ZFYVE16: variants seen among roughly 807,000 people sequenced by gnomAD.
ZFYVE16 encodes the protein zinc finger FYVE domain-containing protein 16.
A neutral mutation model predicts 138.1 loss-of-function variants in ZFYVE16; 89 were observed. The observed-to-expected ratio is 0.64, with a 90% CI of 0.54 to 0.77. The LOEUF (loss-of-function observed/expected upper bound fraction) is 0.77, where lower values mean the gene tolerates loss of function less well. ZFYVE16 is among the 30% of genes least tolerant of loss of function. The pLI, the probability that ZFYVE16 is intolerant of heterozygous loss-of-function variation, is 0.00. For missense variants in ZFYVE16, 1,793 were observed against 1,786.7 expected (o/e 1.00, Z -0.06); for synonymous variants, 596 against 618.3 (o/e 0.96, Z 0.53).
At position 80,478,528 on chromosome 5, in the gene ZFYVE16, C is replaced by T. The variant is rs1405639657; in HGVS notation, c.*1151C>T. ...AAAAAGTGGGGGGCATATTGTAGTC[C>T]TGTCATTTAAGTTATGTAAAAAATT... On this transcript the variant is annotated 3_prime_UTR_variant, in exon 19 of 19. Transcript: ENST00000505560. The T allele has an allele frequency of 6.6e-6, 1 of 151,888 alleles. No homozygotes were observed. Among genetic ancestry groups the T allele is most frequent in the Non-Finnish European group, 1.5e-5 (1 of 67,938 alleles). 9.4% of individuals were successfully genotyped at this position (151,888 alleles called of 1,614,324 possible). A position where few individuals can be genotyped will look rare whatever the true frequency, so the allele number is the denominator to read the frequency against.
chr5:80,443,408 G>GA lies in ZFYVE16; in HGVS notation c.2581+126dup, dbSNP rs1378671253. The GA allele has an allele frequency of 1.2e-5, 14 of 1,175,030 alleles. No individual in the cohort carries two copies. The Admixed American group carries it at 1.7e-4, about 15-fold the overall frequency. 72.8% of individuals were successfully genotyped at this position (1,175,030 alleles called of 1,614,324 possible). A position where few individuals can be genotyped will look rare whatever the true frequency, so the allele number is the denominator to read the frequency against. ...GGTATCAAGAGAGATTTAATACAGGGAATTGGTTACACATGCAGGCTGGAA... is the reference window on the plus strand; with the variant it reads ...GGTATCAAGAGAGATTTAATACAGGGAAATTGGTTACACATGCAGGCTGGAA... On this transcript the variant is annotated intron_variant, in intron 6 of 18. Transcript: ENST00000505560.
chr5:80,479,371 T>C lies in ZFYVE16; in HGVS notation c.*1994T>C, dbSNP rs1174486228. 6.6e-6 allele frequency: 1 copy of C among 152,220 alleles called. No individual in the cohort carries two copies. Among genetic ancestry groups the C allele is most frequent in the African/African-American group, 2.4e-5 (1 of 41,472 alleles). The allele number at this position is 152,220 out of a possible 1,614,324, so 9.4% of individuals were successfully genotyped here. A position where few individuals can be genotyped will look rare whatever the true frequency, so the allele number is the denominator to read the frequency against. The stretch of plus-strand genomic sequence containing the variant: ...TTTTATGCAGCTATTCAACAAACTT[T>C]GTGTGTTCGTATACTTGCTACATGC... On this transcript the variant is annotated 3_prime_UTR_variant, in exon 19 of 19. Coordinates refer to ENST00000505560, the MANE Select transcript of ZFYVE16 (RefSeq NM_001284236.3).
At chr5:80,425,082 G>A (rs1430526082) in intron 1 of ZFYVE16, among the ~76,000 whole-genome samples, 1 of 152,140 alleles carries the variant, frequency 6.6e-6, no homozygotes, top group Non-Finnish European at 1.5e-5. Flanking sequence ...TATCTGTTGA[G>A]TTGGCTTTTT....
rs576577611 is a variant in ZFYVE16, at chr5:80,420,022, A to G, written c.-93-7470A>G. On this transcript the variant is annotated intron_variant, in intron 1 of 18. Transcript: ENST00000505560. Reference sequence around the variant, plus strand: ...AGACGGGGTTTCACCATGTTGGTCAAGCTGGTCTTGAACTCCTGACCTCGT... The same window carrying G: ...AGACGGGGTTTCACCATGTTGGTCAGGCTGGTCTTGAACTCCTGACCTCGT... Among the ~76,000 whole-genome samples the G allele has an allele frequency of 1.7e-3, 259 of 149,522 alleles. 1 individual carries two copies. The highest frequency in any genetic ancestry group is 4.9e-3 in the African/African-American group (198 of 40,616).
At position 80,410,782 on chromosome 5, in the gene ZFYVE16, A is replaced by T. The variant is rs192291501; in HGVS notation, c.-94+2629A>T. On this transcript the variant is annotated intron_variant, in intron 1 of 18. Coordinates refer to ENST00000505560, the MANE Select transcript of ZFYVE16 (RefSeq NM_001284236.3). ...ACAGGGTTTCACCATGTTGGCCAGGATGGTCTCGATCTCCTGACCTTGTGA... is the reference window on the plus strand; with the variant it reads ...ACAGGGTTTCACCATGTTGGCCAGGTTGGTCTCGATCTCCTGACCTTGTGA... Among the ~76,000 whole-genome samples the T allele has an allele frequency of 6.1e-3, 927 of 150,852 alleles. 10 individuals carry two copies. The highest frequency in any genetic ancestry group is 0.021 in the African/African-American group (855 of 41,008).
rs143928953 is a variant in ZFYVE16, at chr5:80,480,664, C to T, written c.*3287C>T. On this transcript the variant is annotated 3_prime_UTR_variant, in exon 19 of 19. Coordinates refer to ENST00000505560, the MANE Select transcript of ZFYVE16 (RefSeq NM_001284236.3). Reference sequence around the variant, plus strand: ...ATAAGGCCAGGTGCAGTGGCTCACACCTGTAATCGAGCACTTTGGGAGGCC... The same window carrying T: ...ATAAGGCCAGGTGCAGTGGCTCACATCTGTAATCGAGCACTTTGGGAGGCC... Among the ~76,000 whole-genome samples, 26 of 152,248 alleles carry T rather than the reference C, an allele frequency of 1.7e-4. No homozygotes were observed. In the East Asian group the frequency reaches 3.7e-3, roughly 21 times the overall value.
chr5:80,465,400 GT>G (rs3072097), intron 15 of ZFYVE16, among the ~76,000 whole-genome samples: 189 of 26,770 alleles, frequency 7.1e-3, no homozygotes, highest in African/African-American at 0.017. Flanking sequence ...CCTTTTCTTT[GT>G]TTTTTTTTTT....
chr5:80,457,227 C>A, intron 14 of ZFYVE16, 135 bp downstream of exon 14: 1 of 1,288,910 alleles, frequency 7.8e-7, no homozygotes, highest in South Asian at 1.5e-5. Flanking sequence ...GAAATTTCAG[C>A]TACACAACAG....
intron 18 of ZFYVE16, 88 bp downstream of exon 18, chr5:80,474,918 G>T: frequency 7.1e-7 from 1 of 1,414,848 alleles, no homozygotes. Context: ...GGGATGAAAG[G>T]GAACGAAAAT....
At chr5:80,435,699 G>A in intron 3 of ZFYVE16, 1 of 427,798 alleles carries the variant, frequency 2.3e-6, no homozygotes, top group Non-Finnish European at 4.6e-6. Flanking sequence ...CTTCTGAGTA[G>A]CTGGGACCAC....
At position 80,478,594 on chromosome 5, in the gene ZFYVE16, A is replaced by G. The variant is rs1755114455; in HGVS notation, c.*1217A>G. ...TGCTTTAAACATTCTCATGTGTAAT[A>G]TATGTTTTTGTATCAAAAACACTCA... On this transcript the variant is annotated 3_prime_UTR_variant, in exon 19 of 19. Coordinates refer to ENST00000505560, the MANE Select transcript of ZFYVE16 (RefSeq NM_001284236.3). 6.6e-6 allele frequency: 1 copy of G among 152,138 alleles called. No homozygotes were observed. The highest frequency in any genetic ancestry group is 1.5e-5 in the Non-Finnish European group (1 of 67,976). 9.4% of individuals were successfully genotyped at this position (152,138 alleles called of 1,614,324 possible). A position where few individuals can be genotyped will look rare whatever the true frequency, so the allele number is the denominator to read the frequency against.
At chr5:80,447,211 G>A (rs1751456488) in intron 7 of ZFYVE16, among the ~76,000 whole-genome samples, 1 of 141,014 alleles carries the variant, frequency 7.1e-6, no homozygotes, top group Admixed American at 7.9e-5. Context: ...AGGTTGCAGT[G>A]AGCCAGGATT....
At chr5:80,435,447 G>A (rs185802367) in intron 3 of ZFYVE16, among the ~76,000 whole-genome samples, 1,844 of 152,326 alleles carry the variant, frequency 0.012, 23 homozygotes, top group Non-Finnish European at 0.021. Flanking sequence ...GGGATGATAG[G>A]CGTGAGCCAC....
Position 80,451,652 on chromosome 5 carries a change from C to G in ZFYVE16, c.3550C>G (p.Pro1184Ala), listed in dbSNP as rs1751999562. 6.2e-7 allele frequency: 1 copy of G among 1,613,720 alleles called. No individual in the cohort carries two copies. Among genetic ancestry groups the G allele is most frequent in the Non-Finnish European group, 8.5e-7 (1 of 1,179,928 alleles). The change falls in exon 11 of 19, where the codon CCC (proline) becomes GCC (alanine). Residue 1184 changes from proline to alanine, a missense_variant. By Grantham distance (27) the Pro-to-Ala change is conservative. Around this residue, in one of 2 missense-constraint regions of ZFYVE16, gnomAD observed 498 missense variants for 582.4 expected, o/e 0.86. Transcript: ENST00000505560. ...CGILIQKLEIPWAKVFPMRLM... is the reference protein window; with the variant it reads ...CGILIQKLEIAWAKVFPMRLM... ...AATTCTTATCCAGAAGCTTGAGATTCCCTGGGCAAAGGTTTTTCCTATGCG... is the reference window on the plus strand; with the variant it reads ...AATTCTTATCCAGAAGCTTGAGATTGCCTGGGCAAAGGTTTTTCCTATGCG...
At chr5:80,423,678 G>A (rs1320266236) in intron 1 of ZFYVE16, among the ~76,000 whole-genome samples, 1 of 151,996 alleles carries the variant, frequency 6.6e-6, no homozygotes, top group Non-Finnish European at 1.5e-5. Context: ...TGGGACTACG[G>A]GCACCCGCCA....
At chr5:80,440,069 G>A (rs1183672374) in intron 5 of ZFYVE16, 37 bp downstream of exon 5, 1 of 1,563,816 alleles carries the variant, frequency 6.4e-7, no homozygotes, top group Admixed American at 1.9e-5. Flanking sequence ...TCCAGTAATT[G>A]AATATATCTT....
At chr5:80,458,993 C>T (rs978518008) in intron 14 of ZFYVE16, among the ~76,000 whole-genome samples, 1 of 152,156 alleles carries the variant, frequency 6.6e-6, no homozygotes, top group Non-Finnish European at 1.5e-5. Context: ...TGCAGTGGCG[C>T]GATCTTGGCT....
intron 1 of ZFYVE16, among the ~76,000 whole-genome samples, chr5:80,426,113 A>G (rs914589084): frequency 1.3e-5 from 2 of 151,886 alleles, no homozygotes; most frequent in South Asian, 4.1e-4. Context: ...TAATCACATC[A>G]TATACCATGC....
chr5:80,451,974 C>T (rs1051819154), intron 11 of ZFYVE16: 5 of 378,188 alleles, frequency 1.3e-5, no homozygotes, highest in African/African-American at 2.1e-5. Context: ...AAAACTTTCA[C>T]AGTGCAGGTT....
Sources: gnomAD v4.1 joint callset for allele counts (sites outside exome capture counted in the v4.1 genomes callset) on GRCh38, gnomAD v4.1.1 for gene constraint, gnomAD v4.1.1 regional missense constraint, MANE v1.5 for transcripts, NCBI Gene and HGNC (gene_info 2026-07-23, HGNC 2026-07-21) for gene names.